The following NEDD4 variants were observed in gnomAD, a reference collection of about 807,000 sequenced individuals.
NEDD4 encodes NEDD4 E3 ubiquitin protein ligase.
In NEDD4, 99 loss-of-function variants were observed where a neutral mutation model predicts 144.9. The ratio of observed to expected loss-of-function variants is 0.68; its 90% CI spans 0.58 to 0.81. The LOEUF is 0.81. Ranked by LOEUF, NEDD4 falls within the 30% of genes least tolerant of loss-of-function variation. The pLI, the probability that NEDD4 is intolerant of heterozygous loss-of-function variation, is 0.00. For synonymous variants in NEDD4, 318 were observed against 350.6 expected (o/e 0.91, Z 1.04); for missense variants, 985 against 1,065.9 (o/e 0.92, Z 1.06).
intron 8 of NEDD4, among the ~76,000 whole-genome samples, chr15:55,867,736 T>C (rs1222941852): frequency 6.6e-6 from 1 of 152,184 alleles, no homozygotes; most frequent in Non-Finnish European, 1.5e-5. Flanking sequence ...CCAGGGGCTA[T>C]CTATACTCTG....
intron 5 of NEDD4, among the ~76,000 whole-genome samples, chr15:55,892,266 C>CAATA (rs138951402): frequency 1.2e-4 from 16 of 138,186 alleles, no homozygotes; most frequent in East Asian, 6.2e-4. Flanking sequence ...AACTCCAACT[C>CAATA]AATAAATAAA....
chr15:55,873,178 C>T (rs903858873), intron 6 of NEDD4, among the ~76,000 whole-genome samples: 15 of 152,078 alleles, frequency 9.9e-5, no homozygotes, highest in Admixed American at 4.6e-4. Flanking sequence ...GATCCACTCA[C>T]GTTGACTGAG....
At chr15:55,881,561 G>T (rs2035193708) in intron 5 of NEDD4, among the ~76,000 whole-genome samples, 1 of 152,064 alleles carries the variant, frequency 6.6e-6, no homozygotes, top group Admixed American at 6.6e-5. Flanking sequence ...TCTCAATCAG[G>T]ATGACTGAGG....
intron 2 of NEDD4, among the ~76,000 whole-genome samples, chr15:55,962,918 C>G (rs1287762501): frequency 6.6e-6 from 1 of 151,694 alleles, no homozygotes; most frequent in South Asian, 2.1e-4. Flanking sequence ...TCCTGAGTAG[C>G]TGGGATTACA....
chr15:55,859,497 T>C (rs1375970204), intron 11 of NEDD4, among the ~76,000 whole-genome samples: 1 of 152,138 alleles, frequency 6.6e-6, no homozygotes, highest in East Asian at 1.9e-4. Context: ...AGTTCAAGAC[T>C]AGCCTGGCCA....
At chr15:55,893,064 A>G (rs9972348) in intron 5 of NEDD4, among the ~76,000 whole-genome samples, 30,533 of 152,114 alleles carry the variant, frequency 0.2, 3,209 homozygotes, top group Admixed American at 0.25. Context: ...AACCTGAGAT[A>G]GAAACAGATC....
At chr15:55,913,190 T>C (rs1305982820) in intron 5 of NEDD4, among the ~76,000 whole-genome samples, 1 of 152,110 alleles carries the variant, frequency 6.6e-6, no homozygotes, top group African/African-American at 2.4e-5. Context: ...TAAATGCTAC[T>C]CTAATATCAA....
chr15:55,924,469 G>A (rs1299359104), intron 5 of NEDD4, 177 bp downstream of exon 5: 19 of 575,880 alleles, frequency 3.3e-5, no homozygotes, highest in South Asian at 6.7e-5. Flanking sequence ...AATGGAAAGG[G>A]AGCGAGTAGG....
intron 4 of NEDD4, among the ~76,000 whole-genome samples, chr15:55,927,077 C>CAAAAAAAAAAAAAAAAAA (rs57940091): frequency 1.4e-4 from 10 of 70,646 alleles, no homozygotes; most frequent in Admixed American, 3.7e-4. Flanking sequence ...GACTACGTCT[C>CAAAAAAAAAAAAAAAAAA]AAAAAAAAAA....
intron 23 of NEDD4, 53 bp downstream of exon 23, chr15:55,838,054 G>A: frequency 6.1e-6 from 7 of 1,154,898 alleles, no homozygotes; most frequent in Non-Finnish European, 7.5e-6. Flanking sequence ...GAGTCTTTCT[G>A]GAATAAAGTA....
At chr15:55,968,430 T>C (rs1450779093) in intron 1 of NEDD4, among the ~76,000 whole-genome samples, 2 of 152,094 alleles carry the variant, frequency 1.3e-5, no homozygotes, top group African/African-American at 2.4e-5. Context: ...AAAAATATCA[T>C]GTGCAAAATG....
At chr15:55,971,066 T>C (rs1258248272) in intron 1 of NEDD4, among the ~76,000 whole-genome samples, 1 of 152,140 alleles carries the variant, frequency 6.6e-6, no homozygotes, top group Non-Finnish European at 1.5e-5. Context: ...CAGGATCCTA[T>C]CAAATAAATT....
At chr15:55,875,723 G>A (rs752169073) in intron 5 of NEDD4, among the ~76,000 whole-genome samples, 37 of 152,250 alleles carry the variant, frequency 2.4e-4, no homozygotes, top group Admixed American at 4.6e-4. Flanking sequence ...TGAACTTGAA[G>A]ATATAGAGAC....
chr15:55,877,025 T>C (rs2035018089), intron 5 of NEDD4, among the ~76,000 whole-genome samples: 1 of 152,044 alleles, frequency 6.6e-6, no homozygotes, highest in African/African-American at 2.4e-5. Flanking sequence ...TTTAAAAGAA[T>C]TTCAGATTTA....
At chr15:55,984,436 A>G (rs2140450502) in intron 1 of NEDD4, among the ~76,000 whole-genome samples, 1 of 152,334 alleles carries the variant, frequency 6.6e-6, no homozygotes, top group Middle Eastern at 3.4e-3. Context: ...CTAAAGTATG[A>G]AAAAATCTAA....
chr15:55,958,167 A>C (rs1364083270), intron 2 of NEDD4, among the ~76,000 whole-genome samples: 1 of 152,216 alleles, frequency 6.6e-6, no homozygotes, highest in East Asian at 1.9e-4. Flanking sequence ...AGTGTATTAC[A>C]TCAGTTAATT....
chr15:55,838,971 G>C (rs1050988040), intron 21 of NEDD4, among the ~76,000 whole-genome samples: 4 of 152,032 alleles, frequency 2.6e-5, no homozygotes, highest in Non-Finnish European at 5.9e-5. Flanking sequence ...GGAGCACTTA[G>C]CACATTCCTC....
intron 1 of NEDD4, among the ~76,000 whole-genome samples, 193 bp from the exon 2 acceptor site, chr15:55,966,739 A>T (rs2037519405): frequency 1.3e-5 from 2 of 152,256 alleles, no homozygotes; most frequent in African/African-American, 4.8e-5. Flanking sequence ...GATTATTTAC[A>T]AAGATAAGCA....
intron 5 of NEDD4, among the ~76,000 whole-genome samples, chr15:55,892,664 A>G (rs1595806930): frequency 6.6e-6 from 1 of 152,126 alleles, no homozygotes; most frequent in East Asian, 1.9e-4. Flanking sequence ...CCAGCTATCC[A>G]TTTTTACCCT....
Sources: gnomAD v4.1 joint callset for allele counts (sites outside exome capture counted in the v4.1 genomes callset) on GRCh38, gnomAD v4.1.1 for gene constraint, MANE v1.5 for transcripts, NCBI Gene and HGNC (gene_info 2026-07-23, HGNC 2026-07-21) for gene names.